ERI1: variants seen among roughly 807,000 people sequenced by gnomAD.
ERI1 encodes the protein 3'-5' exoribonuclease 1.
ERI1 carries 39 observed loss-of-function variants against 39.7 expected under a neutral mutation model. The ratio of observed to expected loss-of-function variants is 0.98; its 90% CI spans 0.76 to 1.28. The LOEUF (loss-of-function observed/expected upper bound fraction) is 1.28. Ranked by LOEUF, ERI1 falls within the 50% of genes most tolerant of loss-of-function variation. The pLI, the probability that ERI1 is intolerant of heterozygous loss-of-function variation, is 0.00. For synonymous variants in ERI1, 204 were observed against 149.6 expected (o/e 1.36, Z -2.65); for missense variants, 581 against 416.9 (o/e 1.39, Z -3.43).
At chr8:9,022,139 T>C (rs67139167) in intron 6 of ERI1, among the ~76,000 whole-genome samples, 22,214 of 152,088 alleles carry the variant, frequency 0.15, 1,795 homozygotes, top group African/African-American at 0.19. Context: ...ATAGTTACTG[T>C]AAGTTTTTGC....
intron 3 of ERI1, chr8:9,096,833 C>T (rs922039460): frequency 4.0e-5 from 6 of 150,194 alleles, no homozygotes; most frequent in South Asian, 4.3e-4. Context: ...GCTCCCGCCT[C>T]AGCCTCCCAA....
chr8:9,081,846 CCATTTCTT>C (rs1363711551), intron 3 of ERI1, among the ~76,000 whole-genome samples: 6 of 152,078 alleles, frequency 3.9e-5, no homozygotes, highest in Admixed American at 3.9e-4. Context: ...CCCACAACTC[CCATTTCTT>C]ATGAAAAATA....
chr8:9,094,355 C>T (rs1799805876), intron 3 of ERI1, among the ~76,000 whole-genome samples: 2 of 152,182 alleles, frequency 1.3e-5, no homozygotes, highest in African/African-American at 4.8e-5. Context: ...TTCCAAAAGC[C>T]TCTCCAAGAG....
At chr8:9,012,771 T>C (rs1377167804) in intron 3 of ERI1, among the ~76,000 whole-genome samples, 2 of 152,246 alleles carry the variant, frequency 1.3e-5, no homozygotes, top group African/African-American at 4.8e-5. Context: ...TTTTTCACAC[T>C]GTGTAAAAAC....
At chr8:9,079,280 G>A (rs576588395) in intron 3 of ERI1, among the ~76,000 whole-genome samples, 73 of 152,326 alleles carry the variant, frequency 4.8e-4, no homozygotes, top group African/African-American at 1.8e-3. Flanking sequence ...CTGAAGGCAA[G>A]GGTAAGCCCT....
chr8:9,031,858 G>C lies in ERI1; in HGVS notation c.*1824G>C, dbSNP rs1043304924. 1.3e-5 allele frequency: 2 copies of C among 152,184 alleles called. No individual in the cohort carries two copies. The highest frequency in any genetic ancestry group is 2.9e-5 in the Non-Finnish European group (2 of 68,074). 9.4% of individuals were successfully genotyped at this position (152,184 alleles called of 1,614,324 possible). On this transcript the variant is annotated 3_prime_UTR_variant, in exon 7 of 7. Coordinates refer to ENST00000250263, the MANE Select transcript of ERI1 (RefSeq NM_153332.4). ...CTGCAACCTCCGCCTCCTGGGCTCA[G>C]GTGATCCTCTTGCCTCAGCCTCCTG...
rs1797712864 is a variant in ERI1, at chr8:9,033,264, A to G, written c.*3230A>G. On this transcript the variant is annotated 3_prime_UTR_variant, in exon 7 of 7. Coordinates refer to ENST00000250263, the MANE Select transcript of ERI1 (RefSeq NM_153332.4). Reference sequence around the variant, plus strand: ...ATGGTTTTTATATTCCCTTTTGTTAATGGCTCAAAATAATATTTTGTATAA... The same window carrying G: ...ATGGTTTTTATATTCCCTTTTGTTAGTGGCTCAAAATAATATTTTGTATAA... 6.6e-6 allele frequency: 1 copy of G among 152,192 alleles called. No homozygotes were observed. Among genetic ancestry groups the G allele is most frequent in the Non-Finnish European group, 1.5e-5 (1 of 68,030 alleles). The allele number at this position is 152,192 out of a possible 1,614,324, so 9.4% of individuals were successfully genotyped here. A position where few individuals can be genotyped will look rare whatever the true frequency, so the allele number is the denominator to read the frequency against.
At chr8:9,020,577 A>G in intron 6 of ERI1, 113 bp downstream of exon 6, 1 of 646,810 alleles carries the variant, frequency 1.5e-6, no homozygotes, top group South Asian at 2.2e-5. Context: ...AAGCCATATA[A>G]TTAGTTCTTA....
intron 3 of ERI1, among the ~76,000 whole-genome samples, chr8:9,051,173 A>AAT (rs771269168): frequency 3.3e-3 from 493 of 150,600 alleles, no homozygotes; most frequent in African/African-American, 0.011. Flanking sequence ...TGTATATATG[A>AAT]ATATATATAT....
At chr8:9,013,701 T>A (rs1045989822) in intron 3 of ERI1, among the ~76,000 whole-genome samples, 3 of 152,176 alleles carry the variant, frequency 2.0e-5, no homozygotes, top group African/African-American at 7.2e-5. Flanking sequence ...CCTTTTGAAC[T>A]TACCCCAGCC....
chr8:9,028,369 G>A (rs999856041), intron 6 of ERI1, among the ~76,000 whole-genome samples: 1 of 152,168 alleles, frequency 6.6e-6, no homozygotes, highest in Non-Finnish European at 1.5e-5. Flanking sequence ...ACTATTTTTA[G>A]AAGTGCGTTT....
intron 3 of ERI1, among the ~76,000 whole-genome samples, chr8:9,062,331 G>A (rs996291699): frequency 6.6e-6 from 1 of 151,914 alleles, no homozygotes; most frequent in Non-Finnish European, 1.5e-5. Flanking sequence ...GCTTTGAACT[G>A]GGGAAAAGGG....
chr8:9,082,081 T>G (rs889277640), intron 3 of ERI1, among the ~76,000 whole-genome samples: 1 of 152,128 alleles, frequency 6.6e-6, no homozygotes, highest in Non-Finnish European at 1.5e-5. Flanking sequence ...CAGAGTAGAA[T>G]GGAAAGCATG....
chr8:9,064,229 G>T (rs1450176657), intron 3 of ERI1, among the ~76,000 whole-genome samples: 1 of 348 alleles, frequency 2.9e-3, no homozygotes, highest in African/African-American at 9.6e-3. Context: ...TAAGGGTGAA[G>T]GAGAAGGGGG....
In ERI1 at chr8:9,030,021, AT is replaced by A. The variant is rs770696830; in HGVS notation, c.1041del (p.Phe347LeufsTer18). 6.3e-7 allele frequency: 1 copy of A among 1,589,186 alleles called. No individual in the cohort carries two copies. Among genetic ancestry groups the A allele is most frequent in the Non-Finnish European group, 8.6e-7 (1 of 1,168,384 alleles). Reference protein sequence around the residue: ...IEGTPPPQMPHFRK With the variant: ...IEGTPPPQMPXFRK Reference sequence around the variant, plus strand: ...GGCACTCCACCACCACAAATGCCACATTTTAGAAAGTAACAACAGTTTTGTG... The same window carrying A: ...GGCACTCCACCACCACAAATGCCACATTTAGAAAGTAACAACAGTTTTGTG... On this transcript the variant is annotated frameshift_variant, in exon 7 of 7. Transcript: ENST00000250263. LOFTEE classifies it high-confidence loss of function.
intron 3 of ERI1, among the ~76,000 whole-genome samples, chr8:9,077,263 C>T (rs1426010005): frequency 1.3e-5 from 2 of 152,176 alleles, no homozygotes; most frequent in Non-Finnish European, 2.9e-5. Context: ...GCTTAATTCC[C>T]TGCCTGTTGA....
intron 3 of ERI1, among the ~76,000 whole-genome samples, chr8:9,073,154 T>C (rs1799107624): frequency 6.6e-6 from 1 of 152,246 alleles, no homozygotes; most frequent in African/African-American, 2.4e-5. Context: ...CCATAAACTT[T>C]ATCACCTGGC....
chr8:9,026,240 C>T (rs1048274040), intron 6 of ERI1, among the ~76,000 whole-genome samples: 2 of 152,180 alleles, frequency 1.3e-5, no homozygotes, highest in Admixed American at 1.3e-4. Context: ...CCCTGTATAA[C>T]ACTTGTTGTT....
chr8:9,044,914 G>A (rs1562211), intron 3 of ERI1, among the ~76,000 whole-genome samples: 62,357 of 151,750 alleles, frequency 0.41, 15,036 homozygotes, highest in East Asian at 0.69. Context: ...CTGAAATCTC[G>A]CCTTAGAGTC....
Sources: allele counts gnomAD v4.1 joint callset (sites outside exome capture counted in the v4.1 genomes callset), GRCh38; gene constraint gnomAD v4.1.1; transcripts MANE v1.5; gene names NCBI Gene and HGNC (gene_info 2026-07-23, HGNC 2026-07-21).